The following CD96 variants were observed in gnomAD, a reference collection of about 807,000 sequenced individuals.
CD96 encodes CD96 molecule, also known as T-cell surface protein tactile.
Under a neutral mutation model 71.3 loss-of-function variants are expected in CD96, and 70 were observed. The observed-to-expected ratio is 0.98, with a 90% CI of 0.81 to 1.20. The LOEUF is 1.20. Ranked by LOEUF, CD96 falls within the 50% of genes most tolerant of loss-of-function variation. The pLI is 0.00. For missense variants in CD96, 742 were observed against 677.5 expected (o/e 1.10, Z -1.06); for synonymous variants, 248 against 233.0 (o/e 1.06, Z -0.59).
intron 12 of CD96, among the ~76,000 whole-genome samples, chr3:111,640,570 G>A (rs975832405): frequency 5.3e-5 from 8 of 152,278 alleles, no homozygotes; most frequent in Middle Eastern, 3.4e-3. Flanking sequence ...ATATTTGGGG[G>A]ATAATCAAGG....
At chr3:111,565,065 G>A (rs1225059414) in intron 2 of CD96, among the ~76,000 whole-genome samples, 1 of 152,152 alleles carries the variant, frequency 6.6e-6, no homozygotes, top group Non-Finnish European at 1.5e-5. Context: ...AGACACTGGT[G>A]ATTTGGTGCC....
chr3:111,658,543 A>C (rs369388764), intron 14 of CD96, among the ~76,000 whole-genome samples: 4 of 152,260 alleles, frequency 2.6e-5, no homozygotes, highest in Admixed American at 2.6e-4. Context: ...GGATATATGC[A>C]TGGTCTCTAA....
chr3:111,583,355 G>A (rs1473738438), intron 4 of CD96, among the ~76,000 whole-genome samples: 1 of 152,160 alleles, frequency 6.6e-6, no homozygotes, highest in Non-Finnish European at 1.5e-5. Context: ...AGTGTTGAGT[G>A]TCTGCAGCTT....
At chr3:111,567,446 T>A in intron 2 of CD96, 77 bp from the exon 3 acceptor site, 1 of 1,242,354 alleles carries the variant, frequency 8.0e-7, no homozygotes, top group South Asian at 1.2e-5. Context: ...ACTAAAACTG[T>A]TTTTGTCTCT....
chr3:111,663,831 C>A (rs982850749), intron 14 of CD96, among the ~76,000 whole-genome samples: 1 of 151,080 alleles, frequency 6.6e-6, no homozygotes, highest in African/African-American at 2.4e-5. Context: ...TCACTGCAAG[C>A]TCCACCTCCC....
At chr3:111,605,572 A>T (rs987930906) in intron 7 of CD96, among the ~76,000 whole-genome samples, 5 of 152,208 alleles carry the variant, frequency 3.3e-5, no homozygotes, top group Non-Finnish European at 7.3e-5. Context: ...TAACCTATTC[A>T]TATACTTCCC....
At chr3:111,554,556 T>C (rs1174438044) in intron 2 of CD96, among the ~76,000 whole-genome samples, 1 of 152,136 alleles carries the variant, frequency 6.6e-6, no homozygotes, top group Admixed American at 6.6e-5. Flanking sequence ...AACCACTCTG[T>C]ATTACTAAAT....
At chr3:111,634,468 A>G (rs1037172917) in intron 10 of CD96, 1 of 152,738 alleles carries the variant, frequency 6.5e-6, no homozygotes, top group African/African-American at 2.4e-5. Context: ...GCTGGTGTTT[A>G]TCATCCAAAT....
intron 12 of CD96, 91 bp downstream of exon 12, chr3:111,638,259 A>C: frequency 1.2e-6 from 1 of 838,412 alleles, no homozygotes. Context: ...GCATTATGCC[A>C]GTTGTTGGAT....
At chr3:111,596,541 G>A (rs752745123) in intron 5 of CD96, among the ~76,000 whole-genome samples, 9 of 152,094 alleles carry the variant, frequency 5.9e-5, no homozygotes, top group Non-Finnish European at 1.0e-4. Flanking sequence ...TTACCATATC[G>A]TCATCTTTGG....
At chr3:111,625,468 TA>T (rs1938706760) in intron 10 of CD96, among the ~76,000 whole-genome samples, 1 of 152,064 alleles carries the variant, frequency 6.6e-6, no homozygotes, top group African/African-American at 2.4e-5. Context: ...GAAAGAAATC[TA>T]AAAATAAATG....
intron 3 of CD96, among the ~76,000 whole-genome samples, chr3:111,569,434 A>C (rs1459251289): frequency 6.6e-6 from 1 of 152,218 alleles, no homozygotes; most frequent in East Asian, 1.9e-4. Flanking sequence ...GTATAAGTCC[A>C]TTGTTCTTAA....
At chr3:111,584,548 A>G (rs1007159488) in intron 4 of CD96, among the ~76,000 whole-genome samples, 2 of 152,224 alleles carry the variant, frequency 1.3e-5, no homozygotes, top group Non-Finnish European at 2.9e-5. Context: ...TTGGACTTAC[A>G]GTTCCACATG....
intron 14 of CD96, among the ~76,000 whole-genome samples, chr3:111,659,896 C>T (rs1406398805): frequency 6.6e-6 from 1 of 152,116 alleles, no homozygotes. Flanking sequence ...AGGAGTTATA[C>T]ATGCCCAACC....
At chr3:111,637,055 T>C (rs530214526) in intron 10 of CD96, 141 bp from the exon 11 acceptor site, 334 of 680,372 alleles carry the variant, frequency 4.9e-4, no homozygotes, top group Non-Finnish European at 7.7e-4. Context: ...GACATTCTTG[T>C]GTATGCTATG....
At chr3:111,561,942 G>A (rs1480277262) in intron 2 of CD96, among the ~76,000 whole-genome samples, 4 of 151,440 alleles carry the variant, frequency 2.6e-5, no homozygotes, top group Non-Finnish European at 5.9e-5. Context: ...TCTGAAAAGC[G>A]CAATATTCGG....
At chr3:111,640,949 T>C (rs1261801894) in intron 12 of CD96, among the ~76,000 whole-genome samples, 1 of 152,178 alleles carries the variant, frequency 6.6e-6, no homozygotes, top group Non-Finnish European at 1.5e-5. Context: ...GGGAGAATTT[T>C]ACCAAACCAC....
chr3:111,650,511 A>G lies in CD96; in HGVS notation c.*705A>G, dbSNP rs983735310. ...CAAAACTCCACTGGCCTCTAAAATT[A>G]TATTAGCCAAGAGTGGTTTCATTTG... is the stretch of plus-strand genomic sequence containing the variant. On this transcript the variant is annotated 3_prime_UTR_variant, in exon 14 of 14. Coordinates refer to ENST00000352690, the MANE Select transcript of CD96 (RefSeq NM_005816.5). 6.5e-6 allele frequency: 1 copy of G among 152,734 alleles called. No individual in the cohort carries two copies. Among genetic ancestry groups the G allele is most frequent in the Admixed American group, 6.5e-5 (1 of 15,358 alleles). The allele number at this position is 152,734 out of a possible 1,614,324, so 9.5% of individuals were successfully genotyped here. A position where few individuals can be genotyped will look rare whatever the true frequency, so the allele number is the denominator to read the frequency against.
At chr3:111,613,876 C>G (rs1271113575) in intron 8 of CD96, among the ~76,000 whole-genome samples, 1 of 152,226 alleles carries the variant, frequency 6.6e-6, no homozygotes, top group Non-Finnish European at 1.5e-5. Flanking sequence ...TTGAAACTTA[C>G]AAATAACTTT....
Sources: gnomAD v4.1 joint callset for allele counts (sites outside exome capture counted in the v4.1 genomes callset) on GRCh38, gnomAD v4.1.1 for gene constraint, MANE v1.5 for transcripts, NCBI Gene and HGNC (gene_info 2026-07-23, HGNC 2026-07-21) for gene names.